Variants in KCNH7 observed in about 807,000 individuals in gnomAD.
The protein encoded by KCNH7 is potassium voltage-gated channel subfamily H member 7, also known as voltage-gated inwardly rectifying potassium channel KCNH7.
Under a neutral mutation model 120.8 loss-of-function variants are expected in KCNH7, and 49 were observed. The ratio of observed to expected loss-of-function variants is 0.41; its 90% CI spans 0.32 to 0.51. KCNH7 has a LOEUF of 0.51. Ranked by LOEUF, KCNH7 falls within the 20% of genes least tolerant of loss-of-function variation. KCNH7 has a pLI of 0.38. For synonymous variants in KCNH7, 547 were observed against 516.1 expected (o/e 1.06, Z -0.81); for missense variants, 1,097 against 1,446.6 (o/e 0.76, Z 3.92).
At chr2:162,405,396 A>G (rs908089271) in intron 9 of KCNH7, among the ~76,000 whole-genome samples, 3 of 152,004 alleles carry the variant, frequency 2.0e-5, no homozygotes, top group Non-Finnish European at 4.4e-5. Flanking sequence ...ACATAATAAC[A>G]TTATTAAATC....
intron 2 of KCNH7, among the ~76,000 whole-genome samples, chr2:162,637,394 A>G (rs1328046280): frequency 1.3e-5 from 2 of 152,092 alleles, no homozygotes; most frequent in Non-Finnish European, 2.9e-5. Flanking sequence ...CGATAGTTCC[A>G]AGTGGCCAAA....
At chr2:162,718,022 C>A (rs1350627067) in intron 2 of KCNH7, among the ~76,000 whole-genome samples, 2 of 151,690 alleles carry the variant, frequency 1.3e-5, no homozygotes, top group Non-Finnish European at 2.9e-5. Context: ...GTCTCTCTCC[C>A]TTTTTCTCTC....
At chr2:162,388,072 G>A (rs1275781875) in intron 12 of KCNH7, among the ~76,000 whole-genome samples, 1 of 151,686 alleles carries the variant, frequency 6.6e-6, no homozygotes. Flanking sequence ...TGGAAAATTG[G>A]AGTCTAAAAT....
chr2:162,738,466 T>A (rs1687999797), intron 2 of KCNH7, among the ~76,000 whole-genome samples: 1 of 152,162 alleles, frequency 6.6e-6, no homozygotes, highest in South Asian at 2.1e-4. Flanking sequence ...TGGTTTCATT[T>A]AATCAGGGTT....
At chr2:162,483,859 A>C (rs1399632575) in intron 6 of KCNH7, among the ~76,000 whole-genome samples, 1 of 152,140 alleles carries the variant, frequency 6.6e-6, no homozygotes, top group African/African-American at 2.4e-5. Context: ...CTTGTAGAGA[A>C]GAGGATTGAG....
intron 2 of KCNH7, among the ~76,000 whole-genome samples, chr2:162,763,141 A>C (rs901908751): frequency 3.9e-5 from 6 of 152,132 alleles, no homozygotes; most frequent in African/African-American, 1.4e-4. Context: ...AATTTCTTGA[A>C]ATTTCTATAA....
At chr2:162,727,025 T>A (rs1687551939) in intron 2 of KCNH7, among the ~76,000 whole-genome samples, 1 of 152,164 alleles carries the variant, frequency 6.6e-6, no homozygotes, top group African/African-American at 2.4e-5. Flanking sequence ...GTAGATAGGG[T>A]TGTTTTTCTT....
chr2:162,683,058 A>G (rs1685768534), intron 2 of KCNH7, among the ~76,000 whole-genome samples: 1 of 151,894 alleles, frequency 6.6e-6, no homozygotes, highest in Admixed American at 6.6e-5. Context: ...GAAGTGCTGA[A>G]GCAAGAGTAA....
chr2:162,443,567 C>T (rs1293368222), intron 7 of KCNH7, among the ~76,000 whole-genome samples: 5 of 152,184 alleles, frequency 3.3e-5, no homozygotes, highest in African/African-American at 1.2e-4. Flanking sequence ...ATCAACAAGC[C>T]TTGGCAGCTC....
chr2:162,491,790 G>T (rs1690317520), intron 6 of KCNH7, among the ~76,000 whole-genome samples: 1 of 152,186 alleles, frequency 6.6e-6, no homozygotes, highest in Non-Finnish European at 1.5e-5. Context: ...ACCTAGGGAT[G>T]CCTTTTTCCC....
At position 162,520,840 on chromosome 2, in the gene KCNH7, C is replaced by A. The variant is rs1691498841; in HGVS notation, c.464-2682G>T. The stretch of plus-strand genomic sequence containing the variant: ...TCCACCCTTCCCCTGTGCTCCCCTG[C>A]TACCAATAACTTTCTCTTTGGGGAT... On this transcript the variant is annotated intron_variant, in intron 3 of 15. Transcript: ENST00000332142. 2.0e-5 allele frequency among the ~76,000 whole-genome samples: 3 copies of A among 151,944 alleles called. No homozygotes were observed. In the East Asian group the frequency reaches 5.9e-4, roughly 30 times the overall value.
chr2:162,506,303 G>A (rs773913780), intron 5 of KCNH7, among the ~76,000 whole-genome samples: 19 of 151,874 alleles, frequency 1.3e-4, no homozygotes, highest in Non-Finnish European at 2.4e-4. Context: ...CAGAAACTCC[G>A]TTCTTCAGGT....
intron 2 of KCNH7, among the ~76,000 whole-genome samples, chr2:162,822,769 T>C (rs773395002): frequency 3.3e-5 from 5 of 152,204 alleles, no homozygotes; most frequent in Admixed American, 6.5e-5. Context: ...GTTAATCAGA[T>C]CATCCTATAG....
chr2:162,620,389 T>C (rs1327200235), intron 2 of KCNH7, among the ~76,000 whole-genome samples: 1 of 152,002 alleles, frequency 6.6e-6, no homozygotes, highest in Admixed American at 6.6e-5. Flanking sequence ...ATCACCTATA[T>C]GCTGGTGATT....
intron 2 of KCNH7, chr2:162,795,675 T>C (rs189399275): frequency 5.3e-5 from 8 of 152,208 alleles, no homozygotes; most frequent in Non-Finnish European, 8.8e-5. Context: ...TAAGAAAACC[T>C]TCTCTTGAAA....
intron 2 of KCNH7, among the ~76,000 whole-genome samples, chr2:162,758,978 G>A (rs1688879542): frequency 6.6e-6 from 1 of 152,110 alleles, no homozygotes; most frequent in African/African-American, 2.4e-5. Flanking sequence ...CAAATGTAGT[G>A]TAATTGGTTG....
chr2:162,770,023 G>A (rs1030856785), intron 2 of KCNH7, among the ~76,000 whole-genome samples: 6 of 152,016 alleles, frequency 3.9e-5, no homozygotes, highest in African/African-American at 1.4e-4. Context: ...TGTCCAACTA[G>A]GAGCTTTTAA....
chr2:162,798,115 C>A (rs1684208838), intron 2 of KCNH7: 1 of 152,018 alleles, frequency 6.6e-6, no homozygotes, highest in South Asian at 2.1e-4. Context: ...AGGTAAAAAT[C>A]TATCTCCTTC....
intron 15 of KCNH7, 30 bp from the exon 16 acceptor site, chr2:162,372,125 A>G (rs1174741613): frequency 2.6e-6 from 4 of 1,545,360 alleles, no homozygotes; most frequent in Non-Finnish European, 3.5e-6. Context: ...ACAAGTTTTT[A>G]TAATTCACAT....
Sources: allele counts gnomAD v4.1 joint callset (sites outside exome capture counted in the v4.1 genomes callset), GRCh38; gene constraint gnomAD v4.1.1; transcripts MANE v1.5; gene names NCBI Gene and HGNC (gene_info 2026-07-23, HGNC 2026-07-21).